WNT2B: variants seen among roughly 807,000 people sequenced by gnomAD.
The protein encoded by WNT2B is protein Wnt-2b.
Under a neutral mutation model 40.5 loss-of-function variants are expected in WNT2B, and 19 were observed. The observed-to-expected ratio is 0.47, with a 90% confidence interval of 0.33 to 0.69. The LOEUF (loss-of-function observed/expected upper bound fraction) is 0.69, where lower values mean the gene tolerates loss of function less well. Ranked by LOEUF, WNT2B falls within the 30% of genes least tolerant of loss-of-function variation. The probability of loss-of-function intolerance (pLI) is 0.02; values close to 1 mark genes in which losing one functional copy is unlikely to be tolerated. For synonymous variants in WNT2B, 220 were observed against 211.9 expected (o/e 1.04, Z -0.33); for missense variants, 467 against 556.4 (o/e 0.84, Z 1.62).
rs145772335 is a variant in WNT2B at position 112,482,508 on chromosome 1, C to A, written c.-95+14917C>A. On this transcript the variant is annotated intron_variant, in intron 1 of 4. Transcript: ENST00000256640. ...ATGCCACCAGCCCCACTAATTTTATCTTTTTGTAAAGACAGGGTCTTGCTA... is the reference window on the plus strand; with the variant it reads ...ATGCCACCAGCCCCACTAATTTTATATTTTTGTAAAGACAGGGTCTTGCTA... Among the ~76,000 whole-genome samples the A allele has an allele frequency of 9.9e-3, 1,507 of 152,128 alleles. 18 individuals are homozygous for A. The highest frequency in any genetic ancestry group is 0.035 in the African/African-American group (1,434 of 41,504).
chr1:112,510,270 C>T (rs987287196), intron 1 of WNT2B, among the ~76,000 whole-genome samples: 8 of 152,136 alleles, frequency 5.3e-5, no homozygotes, highest in Admixed American at 2.0e-4. Context: ...CTCCCTGCCC[C>T]CTACTCCTTG....
chr1:112,527,457 T>G lies in WNT2B; in HGVS notation c.*6948T>G, dbSNP rs188334139. ...CTAAAGAATTCCATTGCTCACCTCC[T>G]GCATAGCAGCACAGCCCCATGAGGC... is the stretch of plus-strand genomic sequence containing the variant. On this transcript the variant is annotated 3_prime_UTR_variant, in exon 5 of 5. Coordinates refer to ENST00000369684, the MANE Select transcript of WNT2B (RefSeq NM_024494.3). 989 of 152,816 alleles carry G rather than the reference T, an allele frequency of 6.5e-3. 5 individuals are homozygous for G. Among genetic ancestry groups the G allele is most frequent in the Non-Finnish European group, 9.5e-3 (644 of 68,068 alleles). The allele number at this position is 152,816 out of a possible 1,614,324, so 9.5% of individuals were successfully genotyped here.
At chr1:112,473,099 A>G (rs1650936878) in intron 1 of WNT2B, among the ~76,000 whole-genome samples, 1 of 148,658 alleles carries the variant, frequency 6.7e-6, no homozygotes, top group Admixed American at 6.7e-5. Context: ...CGGAAGGAGG[A>G]AGGAAGGAAG....
At chr1:112,486,158 C>CACACA (rs56037560) in intron 1 of WNT2B, among the ~76,000 whole-genome samples, 4 of 151,180 alleles carry the variant, frequency 2.6e-5, no homozygotes, top group Non-Finnish European at 3.0e-5. Flanking sequence ...CACACACACA[C>CACACA]CAGGCTGGGT....
Position 112,528,001 on chromosome 1 carries a change from A to G in WNT2B, c.*7492A>G, listed in dbSNP as rs1653746144. ...GAGGAAGATGATCATTCCTAGAATAATTATGCTTACTGGGTGACAATATAC... is the reference window on the plus strand; with the variant it reads ...GAGGAAGATGATCATTCCTAGAATAGTTATGCTTACTGGGTGACAATATAC... On this transcript the variant is annotated 3_prime_UTR_variant, in exon 5 of 5. Coordinates refer to ENST00000369684, the MANE Select transcript of WNT2B (RefSeq NM_024494.3). The G allele has an allele frequency of 6.6e-6, 1 of 152,240 alleles. No homozygotes were observed. Among genetic ancestry groups the G allele is most frequent in the South Asian group, 2.1e-4 (1 of 4,830 alleles). The allele number at this position is 152,240 out of a possible 1,614,324, so 9.4% of individuals were successfully genotyped here. A position where few individuals can be genotyped will look rare whatever the true frequency, so the allele number is the denominator to read the frequency against.
At chr1:112,475,639 C>T (rs191660808) in intron 1 of WNT2B, among the ~76,000 whole-genome samples, 2 of 151,464 alleles carry the variant, frequency 1.3e-5, no homozygotes, top group African/African-American at 2.4e-5. Context: ...GAAGCTAGAC[C>T]ACAATAAGTT....
At chr1:112,517,022 T>G in intron 3 of WNT2B, 99 bp from the exon 4 acceptor site, 1 of 1,505,188 alleles carries the variant, frequency 6.6e-7, no homozygotes, top group South Asian at 1.3e-5. Context: ...CAGGGCCAGG[T>G]CCAGCCTATC....
At chr1:112,493,873 C>T (rs1057511087) in intron 1 of WNT2B, among the ~76,000 whole-genome samples, 6 of 150,460 alleles carry the variant, frequency 4.0e-5, no homozygotes, top group Admixed American at 6.7e-5. Flanking sequence ...ATGACAAAAA[C>T]GAAACCAACA....
intron 4 of WNT2B, chr1:112,517,677 T>G: frequency 2.9e-6 from 1 of 347,400 alleles, no homozygotes; most frequent in Non-Finnish European, 5.3e-6. Context: ...TTAACTTAGT[T>G]ACCTGTTTTC....
chr1:112,475,827 T>C (rs1258856996), intron 1 of WNT2B, among the ~76,000 whole-genome samples: 2 of 152,156 alleles, frequency 1.3e-5, no homozygotes, highest in Non-Finnish European at 2.9e-5. Context: ...GAATAATCGC[T>C]TACAATTTAA....
At chr1:112,480,568 A>G (rs1651195418) in intron 1 of WNT2B, among the ~76,000 whole-genome samples, 1 of 152,106 alleles carries the variant, frequency 6.6e-6, no homozygotes, top group Admixed American at 6.5e-5. Flanking sequence ...ATAAAAAATA[A>G]GGCAACTGAA....
intron 1 of WNT2B, among the ~76,000 whole-genome samples, chr1:112,477,112 C>A (rs1651075329): frequency 6.6e-6 from 1 of 152,230 alleles, no homozygotes; most frequent in Admixed American, 6.5e-5. Flanking sequence ...GCAGCCTTTG[C>A]TGTTGCATTT....
intron 1 of WNT2B, among the ~76,000 whole-genome samples, chr1:112,476,734 C>T (rs984184595): frequency 6.6e-6 from 1 of 152,196 alleles, no homozygotes; most frequent in Admixed American, 6.5e-5. Context: ...CTGCAGTTTC[C>T]ACCAGTGATG....
intron 1 of WNT2B, among the ~76,000 whole-genome samples, chr1:112,511,756 T>C (rs1349609454): frequency 6.6e-6 from 1 of 152,232 alleles, no homozygotes; most frequent in East Asian, 1.9e-4. Flanking sequence ...AACAGGATTG[T>C]ATTCATAGGC....
chr1:112,511,283 G>GC (rs1392561006), intron 1 of WNT2B, among the ~76,000 whole-genome samples: 1 of 152,188 alleles, frequency 6.6e-6, no homozygotes, highest in Non-Finnish European at 1.5e-5. Context: ...TGACTTAGCA[G>GC]CCCCTGTGAA....
In WNT2B at chr1:112,526,240, C is replaced by T. The variant is rs911738233; in HGVS notation, c.*5731C>T. ...TCCTGAACCTTATCAACCAATGGCT[C>T]TTTTGCCATTTCTGCCACTATTACC... On this transcript the variant is annotated 3_prime_UTR_variant, in exon 5 of 5. Coordinates refer to ENST00000369684, the MANE Select transcript of WNT2B (RefSeq NM_024494.3). The T allele has an allele frequency of 7.7e-7, 1 of 1,290,998 alleles. No homozygotes were observed. The highest frequency in any genetic ancestry group is 1.5e-5 in the African/African-American group (1 of 67,890). The allele number at this position is 1,290,998 out of a possible 1,614,324, so 80.0% of individuals were successfully genotyped here.
chr1:112,487,286 G>A (rs1345673203), intron 1 of WNT2B, among the ~76,000 whole-genome samples: 1 of 152,156 alleles, frequency 6.6e-6, no homozygotes, highest in Non-Finnish European at 1.5e-5. Flanking sequence ...GTTGCCTGGG[G>A]ATTGGGGGAG....
upstream of WNT2B, chr1:112,508,760 T>G: frequency 1.0e-6 from 1 of 986,464 alleles, no homozygotes; most frequent in Non-Finnish European, 1.2e-6. This position sits in a 1 kb window ranked among gnomAD's most constrained non-coding sequence, Gnocchi z 4.2. Context: ...AGCCGCGGCG[T>G]CCCGTCGCAG....
chr1:112,507,891 C>T (rs113218105), upstream of WNT2B, among the ~76,000 whole-genome samples: 6,129 of 152,254 alleles, frequency 0.04, 425 homozygotes, highest in African/African-American at 0.14. Flanking sequence ...TTACTTCTGA[C>T]GGAGGGCCAC....
Sources: gnomAD v4.1 joint callset for allele counts (sites outside exome capture counted in the v4.1 genomes callset) on GRCh38, gnomAD v4.1.1 for gene constraint, Gnocchi (gnomAD v3.1) non-coding constraint, MANE v1.5 for transcripts, NCBI Gene and HGNC (gene_info 2026-07-23, HGNC 2026-07-21) for gene names.